ZC3HC1: variants seen among roughly 807,000 people sequenced by gnomAD.
ZC3HC1 encodes zinc finger C3HC-type protein 1.
In ZC3HC1, 38 loss-of-function variants were observed where a neutral mutation model predicts 61.9. The ratio of observed to expected loss-of-function variants is 0.61; its 90% confidence interval spans 0.47 to 0.81. ZC3HC1 has a LOEUF of 0.81. ZC3HC1 is among the 30% of genes least tolerant of loss of function. The pLI is 0.00. For synonymous variants in ZC3HC1, 213 were observed against 229.9 expected (o/e 0.93, Z 0.67); for missense variants, 554 against 622.7 (o/e 0.89, Z 1.17).
chr7:130,046,467 C>T (rs1316321523), intron 2 of ZC3HC1, among the ~76,000 whole-genome samples: 1 of 151,668 alleles, frequency 6.6e-6, no homozygotes, highest in Non-Finnish European at 1.5e-5. Context: ...ATTAGCCAGG[C>T]ATGGTGGCGG....
intron 9 of ZC3HC1, 78 bp downstream of exon 9, chr7:130,022,241 T>A (rs577433783): frequency 6.4e-7 from 1 of 1,570,508 alleles, no homozygotes; most frequent in African/African-American, 1.3e-5. Context: ...GGCGGGGTGC[T>A]AATTATAGGC....
chr7:130,048,930 G>T, intron 2 of ZC3HC1, 103 bp downstream of exon 2: 1 of 803,776 alleles, frequency 1.2e-6, no homozygotes, highest in Non-Finnish European at 1.8e-6. Context: ...TCTTACCAAG[G>T]TTTTATTCTT....
In ZC3HC1 at chr7:130,023,792, CTT is replaced by C; in HGVS notation, c.1021-71_1021-70del. The C allele has an allele frequency of 3.1e-6, 4 of 1,275,004 alleles. No individual in the cohort carries two copies. The highest frequency in any genetic ancestry group is 4.4e-6 in the Non-Finnish European group (4 of 918,180). 79.0% of individuals were successfully genotyped at this position (1,275,004 alleles called of 1,614,324 possible). A position where few individuals can be genotyped will look rare whatever the true frequency, so the allele number is the denominator to read the frequency against. On this transcript the variant is annotated intron_variant, in intron 7 of 9. Transcript: ENST00000358303. The surrounding 1 kb of genome is among the most constrained non-coding windows in gnomAD (Gnocchi z 4.2). ...TGATTATGGTCAGAAATACTTCTTT[CTT>C]TAATCTTTTTTCTTTTTTTTTTTGA...
chr7:130,040,928 T>C, intron 3 of ZC3HC1, 23 bp downstream of exon 3: 3 of 1,587,866 alleles, frequency 1.9e-6, no homozygotes, highest in Non-Finnish European at 1.7e-6. Flanking sequence ...TGGAGAAAAA[T>C]GTAATTTGTA....
At chr7:130,029,071 G>A (rs758486337) in intron 4 of ZC3HC1, 42 bp from the exon 5 acceptor site, 1 of 1,579,864 alleles carries the variant, frequency 6.3e-7, no homozygotes, top group East Asian at 2.3e-5. Flanking sequence ...GGTGTAAACT[G>A]TAAAAAATAA....
At chr7:130,021,223 T>C (rs944161777) in intron 9 of ZC3HC1, among the ~76,000 whole-genome samples, 3 of 152,154 alleles carry the variant, frequency 2.0e-5, no homozygotes, top group African/African-American at 4.8e-5. Context: ...TTTGGACTTT[T>C]AGCATTACTA....
At chr7:130,040,739 G>A (rs1032706004) in intron 3 of ZC3HC1, among the ~76,000 whole-genome samples, 14 of 150,508 alleles carry the variant, frequency 9.3e-5, no homozygotes, top group African/African-American at 3.4e-4. Context: ...CCAGGAGGTT[G>A]AGGCTGTGGT....
At chr7:130,046,121 G>T (rs1035872596) in intron 2 of ZC3HC1, among the ~76,000 whole-genome samples, 1 of 152,050 alleles carries the variant, frequency 6.6e-6, no homozygotes, top group Non-Finnish European at 1.5e-5. Flanking sequence ...CACATGAGGG[G>T]AACGACATAC....
chr7:130,023,179 T>A lies in ZC3HC1; in HGVS notation c.1233+332A>T, dbSNP rs553971565. 1 of 322,092 alleles carries A rather than the reference T, an allele frequency of 3.1e-6. No individual in the cohort carries two copies. Among genetic ancestry groups the A allele is most frequent in the South Asian group, 4.5e-5 (1 of 22,080 alleles). The allele number at this position is 322,092 out of a possible 1,614,324, so 20.0% of individuals were successfully genotyped here. A position where few individuals can be genotyped will look rare whatever the true frequency, so the allele number is the denominator to read the frequency against. On this transcript the variant is annotated intron_variant, in intron 8 of 9. Transcript: ENST00000358303. The surrounding 1 kb of genome is among the most constrained non-coding windows in gnomAD (Gnocchi z 4.2). ...CATCCCGAAACCATCCTCCCAACCG[T>A]GGTCCGTGGAAAAATGGTCTTCCAT...
Position 130,020,335 on chromosome 7 carries a change from C to T in ZC3HC1, c.1441-1603G>A, listed in dbSNP as rs763444751. ...TTGCCCACGCTGGAGTGTAGTAGTG[C>T]GATCTCGGCTCACTGCAACCTCCAC... On this transcript the variant is annotated intron_variant, in intron 9 of 9. Coordinates refer to ENST00000358303, the MANE Select transcript of ZC3HC1 (RefSeq NM_016478.5). 2.5e-3 allele frequency among the ~76,000 whole-genome samples: 363 copies of T among 147,770 alleles called. 2 individuals are homozygous for T. Among genetic ancestry groups the T allele is most frequent in the African/African-American group, 6.9e-3 (275 of 39,934 alleles).
At chr7:130,019,813 T>G (rs939377874) in intron 9 of ZC3HC1, among the ~76,000 whole-genome samples, 91 of 138,384 alleles carry the variant, frequency 6.6e-4, no homozygotes, top group African/African-American at 9.5e-4. Flanking sequence ...TCACAGGTTT[T>G]TTTTTTTTTT....
chr7:130,030,798 A>G (rs2116703084), intron 4 of ZC3HC1, among the ~76,000 whole-genome samples: 1 of 151,472 alleles, frequency 6.6e-6, no homozygotes, highest in East Asian at 2.0e-4. Context: ...CCTCCCGAGT[A>G]GCTGGGACTA....
chr7:130,032,053 G>T (rs867007286), intron 4 of ZC3HC1, among the ~76,000 whole-genome samples: 2 of 152,018 alleles, frequency 1.3e-5, no homozygotes, highest in Non-Finnish European at 2.9e-5. Context: ...GTGAAACACT[G>T]TCTCTACTAA....
chr7:130,027,038 G>A (rs1355889936), intron 5 of ZC3HC1: 1 of 151,440 alleles, frequency 6.6e-6, no homozygotes, highest in Non-Finnish European at 1.5e-5. Context: ...TGTTGGCCAT[G>A]CTGGTCTTGA....
chr7:130,024,193 A>T, intron 7 of ZC3HC1, 70 bp downstream of exon 7: 2 of 1,522,242 alleles, frequency 1.3e-6, no homozygotes, highest in Non-Finnish European at 1.8e-6. Context: ...TTAATTTCCA[A>T]CTTTCTACCA....
chr7:130,045,323 G>C (rs1794820057), intron 2 of ZC3HC1: 1 of 232,126 alleles, frequency 4.3e-6, no homozygotes, highest in Non-Finnish European at 9.1e-6. Flanking sequence ...TACCATGTAA[G>C]TCTTTCTGTC....
intron 5 of ZC3HC1, among the ~76,000 whole-genome samples, chr7:130,027,550 G>A (rs962947315): frequency 3.3e-5 from 5 of 151,964 alleles, no homozygotes; most frequent in Non-Finnish European, 4.4e-5. Context: ...ATGGAGTTTC[G>A]CTCTTGTTGC....
chr7:130,026,368 C>T, intron 5 of ZC3HC1, 56 bp from the exon 6 acceptor site: 3 of 1,563,806 alleles, frequency 1.9e-6, no homozygotes, highest in South Asian at 2.3e-5. Flanking sequence ...AGAAAAATTA[C>T]ACATTATAAC....
intron 4 of ZC3HC1, among the ~76,000 whole-genome samples, chr7:130,030,213 T>C (rs976958456): frequency 6.7e-6 from 1 of 149,958 alleles, no homozygotes; most frequent in African/African-American, 2.5e-5. Flanking sequence ...TTTTTTTTTT[T>C]TCCGAGACAG....
Sources: allele counts gnomAD v4.1 joint callset (sites outside exome capture counted in the v4.1 genomes callset), GRCh38; gene constraint gnomAD v4.1.1; non-coding constraint Gnocchi (gnomAD v3.1); transcripts MANE v1.5; gene names NCBI Gene and HGNC (gene_info 2026-07-23, HGNC 2026-07-21).